The following BRCC3 variants were observed in gnomAD, a reference collection of about 807,000 sequenced individuals.
The protein encoded by BRCC3 is lys-63-specific deubiquitinase BRCC36.
Under a neutral mutation model 28.0 loss-of-function variants are expected in BRCC3, and 15 were observed. The ratio of observed to expected loss-of-function variants is 0.54; its 90% CI spans 0.36 to 0.82. The LOEUF is 0.82. Among genes scored for constraint, BRCC3 ranks in the 40% least tolerant of loss-of-function variants. BRCC3 has a pLI of 0.01. For synonymous variants in BRCC3, 66 were observed against 80.3 expected, an observed-to-expected ratio of 0.82 and a Z score of 0.95; for missense variants, 109 against 225.9, an observed-to-expected ratio of 0.48 and a Z score of 3.32.
chrX:155,106,810 C>A (rs1482700939), intron 7 of BRCC3, among the ~76,000 whole-genome samples: 1 of 112,041 alleles, frequency 8.9e-6, no homozygotes, highest in East Asian at 2.8e-4. Flanking sequence ...TGTTTCTCCT[C>A]TGGGAATTTA....
At chrX:155,118,449 G>T (rs2074370894) in intron 9 of BRCC3, among the ~76,000 whole-genome samples, 1 of 111,789 alleles carries the variant, frequency 8.9e-6, no homozygotes, top group South Asian at 3.7e-4. Context: ...TTTGAGGGTG[G>T]TGGAAATGGT....
At chrX:155,102,427 G>GT (rs2074251787) in intron 7 of BRCC3, among the ~76,000 whole-genome samples, 4 of 111,893 alleles carry the variant, frequency 3.6e-5, no homozygotes, top group Admixed American at 9.5e-5. Flanking sequence ...TGTATATTGA[G>GT]TTAATATCCT....
At chrX:155,072,750 G>A (rs1557292809) in intron 2 of BRCC3, among the ~76,000 whole-genome samples, 1 of 109,251 alleles carries the variant, frequency 9.2e-6, no homozygotes, top group Non-Finnish European at 1.9e-5. Context: ...GTACAGACGG[G>A]GTTTCACCAT....
intron 5 of BRCC3, among the ~76,000 whole-genome samples, chrX:155,082,394 C>T (rs782303481): frequency 7.2e-5 from 8 of 111,816 alleles, no homozygotes; most frequent in African/African-American, 9.8e-5. Context: ...GGCAGTGGAG[C>T]GTGGAGGGGA....
chrX:155,087,127 C>A, intron 5 of BRCC3, among the ~76,000 whole-genome samples: 1 of 112,120 alleles, frequency 8.9e-6, no homozygotes, highest in Non-Finnish European at 1.9e-5. Context: ...CAGCTCCTCG[C>A]GGGCAGCGGT....
intron 7 of BRCC3, chrX:155,099,401 A>G (rs1480123481): frequency 1.7e-6 from 2 of 1,203,879 alleles, no homozygotes; most frequent in African/African-American, 1.8e-5. Context: ...TAGGAGGGCA[A>G]AAAGGGGCCT....
intron 7 of BRCC3, among the ~76,000 whole-genome samples, chrX:155,106,117 G>C (rs1388711404): frequency 8.9e-6 from 1 of 112,371 alleles, no homozygotes; most frequent in East Asian, 2.8e-4. Context: ...CTGTGATGTT[G>C]CATCATCCTA....
intron 5 of BRCC3, among the ~76,000 whole-genome samples, chrX:155,088,275 C>T (rs967352523): frequency 9.0e-6 from 1 of 111,089 alleles, no homozygotes; most frequent in African/African-American, 3.3e-5. Context: ...TGCAGTGTTT[C>T]ATTGTGACAC....
chrX:155,078,598 G>T lies in BRCC3; in HGVS notation c.316-18G>T. On this transcript the variant is annotated intron_variant, in intron 4 of 10. Coordinates refer to ENST00000330045, the MANE Select transcript of BRCC3 (RefSeq NM_001018055.3). ...TAAATTTTGTTCCCACATTTTTAAA[G>T]TACCTTGACAGACACACAGGTTGGC... The T allele has an allele frequency of 8.6e-7, 1 of 1,168,813 alleles. No homozygotes were observed. Among genetic ancestry groups the T allele is most frequent in the Non-Finnish European group, 1.2e-6 (1 of 864,622 alleles).
At chrX:155,118,071 G>C (rs2074367942) in intron 9 of BRCC3, among the ~76,000 whole-genome samples, 1 of 112,022 alleles carries the variant, frequency 8.9e-6, no homozygotes, top group Admixed American at 9.5e-5. Context: ...CCTTTCCTAG[G>C]TATATACGTC....
At chrX:155,094,593 A>G (rs1318840397) in intron 7 of BRCC3, among the ~76,000 whole-genome samples, 1 of 111,277 alleles carries the variant, frequency 9.0e-6, no homozygotes, top group African/African-American at 3.3e-5. Flanking sequence ...CAATGTATGC[A>G]TGGATCTGAT....
At chrX:155,114,384 T>A (rs1478960292) in intron 7 of BRCC3, among the ~76,000 whole-genome samples, 1 of 111,185 alleles carries the variant, frequency 9.0e-6, no homozygotes, top group African/African-American at 3.3e-5. Context: ...ATTTTTCTAT[T>A]TATATAAGGT....
intron 7 of BRCC3, among the ~76,000 whole-genome samples, chrX:155,097,085 T>C (rs782173754): frequency 8.9e-6 from 1 of 112,044 alleles, no homozygotes; most frequent in South Asian, 3.7e-4. Flanking sequence ...CTGCTTGACA[T>C]TGGTCTTGGC....
At chrX:155,087,579 TA>T (rs2074141877) in intron 5 of BRCC3, among the ~76,000 whole-genome samples, 1 of 110,878 alleles carries the variant, frequency 9.0e-6, no homozygotes, top group African/African-American at 3.3e-5. Flanking sequence ...CAAAACTAGA[TA>T]AAATCCCCCA....
In BRCC3 at chrX:155,071,529, TGGCGGTGCAGGTGGTGCA is replaced by T; in HGVS notation, c.14_31del (p.ValValGlnAlaValGln5_?10). On this transcript the variant is annotated start_lost and inframe_deletion, in exon 1 of 11. Transcript: ENST00000330045. ...GGACGTGAGAAGGGTCGGGCCAAGA[TGGCGGTGCAGGTGGTGCA>T]GGCGGTGCAGGCGGTTCATCTCGAG... 1.7e-6 allele frequency: 2 copies of T among 1,202,943 alleles called. No homozygotes were observed. The highest frequency in any genetic ancestry group is 2.2e-6 in the Non-Finnish European group (2 of 890,941).
intron 7 of BRCC3, among the ~76,000 whole-genome samples, chrX:155,109,162 G>C (rs1189608778): frequency 9.0e-6 from 1 of 111,681 alleles, no homozygotes; most frequent in East Asian, 2.8e-4. Context: ...GGCGAATTCT[G>C]TTTTGTCTAT....
chrX:155,114,785 A>G (rs1311411495), intron 7 of BRCC3, among the ~76,000 whole-genome samples: 11 of 110,877 alleles, frequency 9.9e-5, no homozygotes, highest in African/African-American at 3.6e-4. Context: ...CAGAACTGTG[A>G]GGCAGTGTGA....
intron 7 of BRCC3, among the ~76,000 whole-genome samples, chrX:155,111,130 A>C (rs921259041): frequency 1.7e-4 from 19 of 111,830 alleles, no homozygotes; most frequent in African/African-American, 5.8e-4. Flanking sequence ...ATCAGTCACA[A>C]AAATGTTGCA....
At chrX:155,076,331 G>C (rs1391841290) in intron 3 of BRCC3, among the ~76,000 whole-genome samples, 2 of 111,136 alleles carry the variant, frequency 1.8e-5, no homozygotes, top group African/African-American at 6.6e-5. Context: ...AGACGTTGCA[G>C]TGAGCTGAGA....
Sources: gnomAD v4.1 joint callset for allele counts (sites outside exome capture counted in the v4.1 genomes callset) on GRCh38, gnomAD v4.1.1 for gene constraint, MANE v1.5 for transcripts, NCBI Gene and HGNC (gene_info 2026-07-23, HGNC 2026-07-21) for gene names.